Variants in CLK4 observed in about 807,000 individuals in gnomAD.
CLK4 encodes the protein dual specificity protein kinase CLK4.
A neutral mutation model predicts 64.4 loss-of-function variants in CLK4; 37 were observed. The ratio of observed to expected loss-of-function variants is 0.57; its 90% CI spans 0.44 to 0.76. The LOEUF is 0.76. Among genes scored for constraint, CLK4 ranks in the 30% least tolerant of loss-of-function variants. The pLI, the probability that CLK4 is intolerant of heterozygous loss-of-function variation, is 0.00. For synonymous variants in CLK4, 175 were observed against 191.6 expected, an observed-to-expected ratio of 0.91 and a Z score of 0.72; for missense variants, 457 against 605.1, an observed-to-expected ratio of 0.76 and a Z score of 2.57.
rs1350598762 is a variant in CLK4, at chr5:178,618,259, T to A, written c.384+297A>T. 4 of 154,070 alleles carry A rather than the reference T, an allele frequency of 2.6e-5. No individual in the cohort carries two copies. The East Asian group carries it at 7.5e-4, about 29-fold the overall frequency. 9.5% of individuals were successfully genotyped at this position (154,070 alleles called of 1,614,324 possible). On this transcript the variant is annotated intron_variant, in intron 3 of 12. Transcript: ENST00000316308. ...GAAAGAAAAGATATGGGTGCATGAT[T>A]TTTTCATAAGAATATGTTACAAATA...
intron 2 of CLK4, chr5:178,622,395 T>C (rs1396601037): frequency 1.0e-6 from 1 of 984,216 alleles, no homozygotes; most frequent in African/African-American, 1.7e-5. Flanking sequence ...TTACATACTG[T>C]TTTTTAAAGT....
chr5:178,612,852 G>T lies in CLK4; in HGVS notation c.865C>A (p.Pro289Thr). 1 of 1,573,726 alleles carries T rather than the reference G, an allele frequency of 6.4e-7. No homozygotes were observed. The highest frequency in any genetic ancestry group is 8.7e-7 in the Non-Finnish European group (1 of 1,145,858). Reference protein sequence around the residue: ...HNKLTHTDLKPENILFVKSDY... With the variant: ...HNKLTHTDLKTENILFVKSDY... ...GACTTCACAAACAAAATATTTTCAG[G>T]CTTCAGATCTGTATGGGTTAATTTA... is the stretch of plus-strand genomic sequence containing the variant. Residue 289 changes from proline to threonine, a missense_variant, in exon 8 of 13, where the codon CCT becomes ACT. By Grantham distance (38) the Pro-to-Thr change is conservative (BLOSUM62 -1). Coordinates refer to ENST00000316308, the MANE Select transcript of CLK4 (RefSeq NM_020666.3).
rs11954364 is a variant in CLK4, at chr5:178,623,043, C to A, written c.161+213G>T. 7,631 of 512,832 alleles carry A rather than the reference C, an allele frequency of 0.015. 175 individuals are homozygous for A. The highest frequency in any genetic ancestry group is 0.051 in the South Asian group (2,101 of 41,402). The allele number at this position is 512,832 out of a possible 1,614,324, so 31.8% of individuals were successfully genotyped here. ...TACTGATCAACTGTCTCCTACCACT[C>A]CCAGGCAGACAGACATACATAAGGA... On this transcript the variant is annotated intron_variant, in intron 2 of 12. Coordinates refer to ENST00000316308, the MANE Select transcript of CLK4 (RefSeq NM_020666.3).
chr5:178,609,737 AT>A (rs1764529090), intron 9 of CLK4, among the ~76,000 whole-genome samples: 7 of 34,804 alleles, frequency 2.0e-4, no homozygotes, highest in African/African-American at 3.2e-4. Flanking sequence ...ATTTTAAAAT[AT>A]ATATATATAT....
Position 178,623,327 on chromosome 5 carries a change from C to T in CLK4, c.90G>A (p.Lys30=), listed in dbSNP as rs371189146. Residue 30 remains lysine (K), a synonymous_variant, in exon 2 of 13, where the codon AAG becomes AAA. Transcript: ENST00000316308. ...CTTGTGTGCTACTATGAGATCTCCT[C>T]TTCCGCTTGTGACTTCCACGATAGC... ...HESYRGSHKR[K]RRSHSSTQEN... 5 of 1,613,970 alleles carry T rather than the reference C, an allele frequency of 3.1e-6. No homozygotes were observed. In the African/African-American group the frequency reaches 6.7e-5, roughly 22 times the overall value.
rs779714773 is a variant in CLK4 at position 178,603,631 on chromosome 5, A to G, written c.1432T>C (p.Leu478=). The part of the protein sequence containing the change: ...EALQHPFFDL[L]KKK ...TGATTCCCATTTCATTTCTTTTTTAATAAGTCAAAGAAAGGATGCTGCAAT... is the reference window on the plus strand; with the variant it reads ...TGATTCCCATTTCATTTCTTTTTTAGTAAGTCAAAGAAAGGATGCTGCAAT... Residue 478 remains leucine (L), a synonymous_variant, in exon 13 of 13, where the codon TTA becomes CTA. Coordinates refer to ENST00000316308, the MANE Select transcript of CLK4 (RefSeq NM_020666.3). 10 of 1,570,162 alleles carry G rather than the reference A, an allele frequency of 6.4e-6. No individual in the cohort carries two copies. Among genetic ancestry groups the G allele is most frequent in the African/African-American group, 1.4e-5 (1 of 72,646 alleles).
intron 3 of CLK4, chr5:178,618,283 T>TA (rs1231910063): frequency 1.3e-5 from 2 of 159,184 alleles, no homozygotes; most frequent in Non-Finnish European, 2.7e-5. Context: ...ATGTTACAAA[T>TA]AAAAAAATAG....
At chr5:178,606,029 T>C (rs1371350809) in intron 10 of CLK4, among the ~76,000 whole-genome samples, 3 of 152,306 alleles carry the variant, frequency 2.0e-5, no homozygotes, top group East Asian at 1.9e-4. Flanking sequence ...TGCAACACTT[T>C]TAAAAGAAAT....
At chr5:178,619,078 C>A (rs1764669061) in intron 2 of CLK4, among the ~76,000 whole-genome samples, 1 of 152,194 alleles carries the variant, frequency 6.6e-6, no homozygotes, top group African/African-American at 2.4e-5. Flanking sequence ...TTACCTTCTG[C>A]ACCTGTATCT....
chr5:178,611,622 G>A lies in CLK4; in HGVS notation c.1051+794C>T, dbSNP rs189835729. ...TCCTTTACTACTCTACTCTAGGTAA[G>A]TATCAAGAGTTTGCTTTTACACTCC... On this transcript the variant is annotated intron_variant, in intron 9 of 12. Coordinates refer to ENST00000316308, the MANE Select transcript of CLK4 (RefSeq NM_020666.3). Among the ~76,000 whole-genome samples, 516 of 152,258 alleles carry A rather than the reference G, an allele frequency of 3.4e-3. 1 individual carries two copies. The highest frequency in any genetic ancestry group is 0.011 in the African/African-American group (465 of 41,566).
intron 2 of CLK4, among the ~76,000 whole-genome samples, chr5:178,621,321 C>T (rs998062809): frequency 6.6e-6 from 1 of 152,072 alleles, no homozygotes; most frequent in African/African-American, 2.4e-5. Context: ...ATGTTACAGG[C>T]TTCTGACCAC....
chr5:178,613,504 C>T lies in CLK4; in HGVS notation c.795G>A (p.Gln265=). ...TTGACTGGCAGATCTGATACGCCAT[C>T]TGCCTGATGTGGTCAATTTGAAATG... ...FLPFQIDHIR[Q]MAYQICQSIN... is the part of the protein sequence containing the mutation. The change falls in exon 7 of 13, where the codon CAG becomes CAA. Residue 265 remains glutamine (Q), a synonymous_variant. Transcript: ENST00000316308. The T allele has an allele frequency of 6.3e-7, 1 of 1,597,872 alleles. No homozygotes were observed. The highest frequency in any genetic ancestry group is 8.5e-7 in the Non-Finnish European group (1 of 1,173,948).
At chr5:178,609,600 T>G (rs1055398566) in intron 9 of CLK4, among the ~76,000 whole-genome samples, 1 of 152,002 alleles carries the variant, frequency 6.6e-6, no homozygotes, top group African/African-American at 2.4e-5. Flanking sequence ...GGAGAATGGC[T>G]TGAAACCGGA....
chr5:178,609,734 AATATATATAT>A (rs56177248), intron 9 of CLK4, among the ~76,000 whole-genome samples: 9 of 141,844 alleles, frequency 6.3e-5, no homozygotes, highest in African/African-American at 1.0e-4. Context: ...AAAATTTTAA[AATATATATAT>A]ATATATATAT....
intron 9 of CLK4, among the ~76,000 whole-genome samples, chr5:178,610,601 A>G (rs1302663848): frequency 6.6e-6 from 1 of 151,970 alleles, no homozygotes; most frequent in East Asian, 1.9e-4. Context: ...GCTTGGCCAC[A>G]TTTGGAACTT....
chr5:178,625,525 C>T (rs1466770143), intron 1 of CLK4, among the ~76,000 whole-genome samples: 1 of 151,998 alleles, frequency 6.6e-6, no homozygotes, highest in Non-Finnish European at 1.5e-5. Context: ...ATCAGGAACT[C>T]AGCTTGGTTA....
At chr5:178,613,316 G>A (rs1159357997) in intron 7 of CLK4, among the ~76,000 whole-genome samples, 157 bp downstream of exon 7, 1 of 152,146 alleles carries the variant, frequency 6.6e-6, no homozygotes, top group Non-Finnish European at 1.5e-5. Context: ...AGCTACTCGG[G>A]AGGCTGAGGC....
At chr5:178,609,789 A>G (rs893623787) in intron 9 of CLK4, among the ~76,000 whole-genome samples, 1 of 150,206 alleles carries the variant, frequency 6.7e-6, no homozygotes, top group East Asian at 1.9e-4. Context: ...TGCACTTGTA[A>G]TCCCAGCTAC....
In CLK4 at chr5:178,623,264, T is replaced by C. The variant is rs1764732749; in HGVS notation, c.153A>G (p.Glu51=). The change falls in exon 2 of 13, where the codon GAA becomes GAG. Residue 51 remains glutamate, a synonymous_variant. Transcript: ENST00000316308. ...TTCAAGAGTTAATTTACCAATCAGA[T>C]TCTTTAAACTGGTGATGTGGTTTAC... The part of the protein sequence containing the change: ...RHCKPHHQFK[E]SDCHYLEARS... 1.9e-6 allele frequency: 3 copies of C among 1,613,400 alleles called. No individual in the cohort carries two copies. The highest frequency in any genetic ancestry group is 2.5e-6 in the Non-Finnish European group (3 of 1,179,634).
Sources: allele counts gnomAD v4.1 joint callset (sites outside exome capture counted in the v4.1 genomes callset), GRCh38; gene constraint gnomAD v4.1.1; transcripts MANE v1.5; gene names NCBI Gene and HGNC (gene_info 2026-07-23, HGNC 2026-07-21).